The following NAV1 variants were observed in gnomAD, a reference collection of about 807,000 sequenced individuals.
NAV1 encodes neuron navigator 1.
Under a neutral mutation model 175.2 loss-of-function variants are expected in NAV1, and 18 were observed. That is an observed-to-expected ratio of 0.10 (90% CI 0.07 to 0.15). The LOEUF is 0.15. NAV1 is among the 10% of genes least tolerant of loss of function. The pLI is 1.00. For synonymous variants in NAV1, 897 were observed against 978.7 expected, an observed-to-expected ratio of 0.92 and a Z score of 1.56; for missense variants, 1,731 against 2,436.6, an observed-to-expected ratio of 0.71 and a Z score of 6.10.
chr1:201,789,842 C>T (rs1217133128), intron 11 of NAV1, 50 bp downstream of exon 15: 2 of 1,557,810 alleles, frequency 1.3e-6, no homozygotes, highest in Non-Finnish European at 8.9e-7. Flanking sequence ...CTCTACCATC[C>T]CATGCTCCCT....
chr1:201,594,699 G>C (rs1163012435), intron 2 of NAV1, among the ~76,000 whole-genome samples: 1 of 152,220 alleles, frequency 6.6e-6, no homozygotes, highest in Non-Finnish European at 1.5e-5. Context: ...TGAGTGAGGG[G>C]CTGTGGGGTT....
intron 1 of NAV1, among the ~76,000 whole-genome samples, chr1:201,689,276 G>A (rs1313513734): frequency 6.6e-6 from 1 of 152,218 alleles, no homozygotes; most frequent in Non-Finnish European, 1.5e-5. Flanking sequence ...ATCCAATTAT[G>A]AATCCAAATG....
rs1676927778 is a variant in NAV1 at position 201,788,705 on chromosome 1, C to G, written c.3166+67C>G. ...TGCTGGGTCCCCTCACCCACCACCT[C>G]CACTCCCACCACTCCTACCACCACA... On this transcript the variant is annotated intron_variant, in intron 10 of 29. Transcript: ENST00000367296. The surrounding 1 kb of genome is among the most constrained non-coding windows in gnomAD (Gnocchi z 5.7). The G allele has an allele frequency of 1.4e-6, 2 of 1,422,386 alleles. No individual in the cohort carries two copies. Among genetic ancestry groups the G allele is most frequent in the Non-Finnish European group, 1.9e-6 (2 of 1,039,552 alleles). The allele number at this position is 1,422,386 out of a possible 1,614,324, so 88.1% of individuals were successfully genotyped here.
At chr1:201,766,369 G>A (rs1225891659) in intron 3 of NAV1, among the ~76,000 whole-genome samples, 1 of 152,122 alleles carries the variant, frequency 6.6e-6, no homozygotes, top group Admixed American at 6.5e-5. Flanking sequence ...CTCGCTCTTG[G>A]AGTTCTCTAG....
chr1:201,731,454 A>T (rs1388814163), intron 3 of NAV1, among the ~76,000 whole-genome samples: 1 of 152,044 alleles, frequency 6.6e-6, no homozygotes, highest in Non-Finnish European at 1.5e-5. Context: ...TTGGGGAGTG[A>T]CCCAGAGCAG....
chr1:201,726,519 A>C (rs1455892948), intron 3 of NAV1, among the ~76,000 whole-genome samples: 1 of 151,892 alleles, frequency 6.6e-6, no homozygotes, highest in Non-Finnish European at 1.5e-5. Flanking sequence ...GTGGTGGTGC[A>C]CACCTGTAAT....
chr1:201,657,780 C>T (rs1200144073), intron 1 of NAV1, among the ~76,000 whole-genome samples: 1 of 152,152 alleles, frequency 6.6e-6, no homozygotes, highest in African/African-American at 2.4e-5. Context: ...ACCTGTAATC[C>T]CAGCACTTTG....
chr1:201,551,879 G>A (rs1331207844), intron 1 of NAV1, among the ~76,000 whole-genome samples: 5 of 152,110 alleles, frequency 3.3e-5, no homozygotes, highest in African/African-American at 7.2e-5. Flanking sequence ...CTAATAAGCC[G>A]GCCCCTCCCA....
chr1:201,607,870 TTGTGTG>T lies in NAV1; in HGVS notation c.-32-14943_-32-14938del, dbSNP rs57110688. On this transcript the variant is annotated intron_variant, in intron 2 of 33. Transcript: ENST00000685211. ...AATATATAGTATAATGATAACTTTA[TTGTGTG>T]TGTGTGTGTGTGTGTGTGTGTGTGT... 1.6e-3 allele frequency among the ~76,000 whole-genome samples: 219 copies of T among 138,274 alleles called. 2 individuals carry two copies. The highest frequency in any genetic ancestry group is 5.0e-3 in the African/African-American group (183 of 36,644). The allele number at this position is 138,274 out of a possible 152,430, so 90.7% of individuals were successfully genotyped here. A position where few individuals can be genotyped will look rare whatever the true frequency, so the allele number is the denominator to read the frequency against.
chr1:201,786,888 T>G (rs779955709), intron 9 of NAV1, among the ~76,000 whole-genome samples: 9 of 152,156 alleles, frequency 5.9e-5, no homozygotes, highest in Non-Finnish European at 1.0e-4. Context: ...CACATTGAAC[T>G]GCCGGAAAGG....
In NAV1 at chr1:201,624,589, G is replaced by T. The variant is rs139539617; in HGVS notation, c.-101+983G>T. 3.0e-3 allele frequency among the ~76,000 whole-genome samples: 460 copies of T among 151,552 alleles called. 1 individual carries two copies. The highest frequency in any genetic ancestry group is 1.0e-2 in the African/African-American group (413 of 41,314). ...TCTCGATCTCCTGACCTCGTGATCCGCCCACCTCAGCCTCCCAAAGTGCTG... is the reference window on the plus strand; with the variant it reads ...TCTCGATCTCCTGACCTCGTGATCCTCCCACCTCAGCCTCCCAAAGTGCTG... On this transcript the variant is annotated intron_variant, in intron 1 of 29. Coordinates refer to the NAV1 transcript ENST00000367302.
chr1:201,712,785 A>G (rs1257609131), intron 1 of NAV1, 32 bp from the exon 6 acceptor site: 5 of 1,483,096 alleles, frequency 3.4e-6, no homozygotes, highest in Non-Finnish European at 4.7e-6. Flanking sequence ...AGTTCTCTTC[A>G]CTCACCCAGC....
rs1553247081 is a variant in NAV1 at position 201,642,557 on chromosome 1, T to TCCTTCCTTCCTCTTTC, written c.5-6077_5-6076insCCTTCCTTCCTCTTTC. Reference sequence around the variant, plus strand: ...TCTTTCTTTCTTTCTTTCTTTCTTTTTTCCCTTTCTTCCCTTCCTTCTCTT... The same window carrying TCCTTCCTTCCTCTTTC: ...TCTTTCTTTCTTTCTTTCTTTCTTTTCCTTCCTTCCTCTTTCTTCCCTTTCTTCCCTTCCTTCTCTT... On this transcript the variant is annotated intron_variant, in intron 2 of 29. Coordinates refer to the NAV1 transcript ENST00000367302. Among the ~76,000 whole-genome samples, 150 of 106,032 alleles carry TCCTTCCTTCCTCTTTC rather than the reference T, an allele frequency of 1.4e-3. 2 individuals are homozygous for TCCTTCCTTCCTCTTTC. Among genetic ancestry groups the TCCTTCCTTCCTCTTTC allele is most frequent in the African/African-American group, 5.1e-3 (119 of 23,524 alleles). 69.6% of individuals were successfully genotyped at this position (106,032 alleles called of 152,430 possible).
At chr1:201,627,585 CTTATTT>C (rs1668370921) in intron 1 of NAV1, among the ~76,000 whole-genome samples, 1 of 143,470 alleles carries the variant, frequency 7.0e-6, no homozygotes, top group African/African-American at 2.6e-5. Flanking sequence ...TCTGCCTATT[CTTATTT>C]TTAACACTGG....
chr1:201,735,574 G>GA (rs1673086021), intron 3 of NAV1, among the ~76,000 whole-genome samples: 1 of 152,222 alleles, frequency 6.6e-6, no homozygotes, highest in South Asian at 2.1e-4. Context: ...CCTGGACCTG[G>GA]ACCCAATGTC....
intron 1 of NAV1, among the ~76,000 whole-genome samples, chr1:201,587,851 T>C (rs1184063690): frequency 6.6e-6 from 1 of 151,884 alleles, no homozygotes; most frequent in East Asian, 1.9e-4. Context: ...AAAATGCAAA[T>C]TGGAACATGA....
chr1:201,637,334 G>A (rs1003070443), intron 2 of NAV1, among the ~76,000 whole-genome samples: 3 of 152,198 alleles, frequency 2.0e-5, no homozygotes, highest in Non-Finnish European at 4.4e-5. Flanking sequence ...GAATTTGACT[G>A]ATATTACAAT....
At chr1:201,570,531 G>T (rs1666502602) in intron 1 of NAV1, among the ~76,000 whole-genome samples, 1 of 152,234 alleles carries the variant, frequency 6.6e-6, no homozygotes, top group African/African-American at 2.4e-5. Flanking sequence ...CTCAGGGCTG[G>T]GTGTGGTGAA....
chr1:201,821,391 T>C (rs1679366845), exon 30 of NAV1: 1 of 152,618 alleles, frequency 6.6e-6, no homozygotes, highest in Admixed American at 6.5e-5. Flanking sequence ...AAAGAGATCC[T>C]ACCTTTGCAG....
Sources: allele counts gnomAD v4.1 joint callset (sites outside exome capture counted in the v4.1 genomes callset), GRCh38; gene constraint gnomAD v4.1.1; non-coding constraint Gnocchi (gnomAD v3.1); transcripts MANE v1.5; gene names NCBI Gene and HGNC (gene_info 2026-07-23, HGNC 2026-07-21).